MAK: variants seen among roughly 807,000 people sequenced by gnomAD.
MAK encodes the protein serine/threonine-protein kinase MAK.
In MAK, 65 loss-of-function variants were observed where a neutral mutation model predicts 82.6. That is an observed-to-expected ratio of 0.79 (90% CI 0.64 to 0.97). MAK has a LOEUF of 0.97. Ranked by LOEUF, MAK falls within the 50% of genes least tolerant of loss-of-function variation. MAK has a pLI of 0.00. For missense variants in MAK, 703 were observed against 780.2 expected (o/e 0.90, Z 1.18); for synonymous variants, 250 against 274.2 (o/e 0.91, Z 0.87).
intron 1 of MAK, among the ~76,000 whole-genome samples, chr6:10,835,055 C>T (rs1035865729): frequency 2.6e-5 from 4 of 152,222 alleles, no homozygotes; most frequent in Non-Finnish European, 5.9e-5. Flanking sequence ...GGTCGCACCG[C>T]TCCCCCGCCC....
intron 1 of MAK, among the ~76,000 whole-genome samples, chr6:10,833,818 A>G (rs774793691): frequency 1.5e-4 from 23 of 152,130 alleles, no homozygotes; most frequent in Non-Finnish European, 2.2e-4. Flanking sequence ...GCCCGAGCTA[A>G]TAATCATAAG....
At chr6:10,835,920 G>A (rs138379664) in intron 1 of MAK, among the ~76,000 whole-genome samples, 1 of 152,276 alleles carries the variant, frequency 6.6e-6, no homozygotes, top group East Asian at 1.9e-4. Context: ...GGGGTGGGAG[G>A]GTGACCTGAA....
At chr6:10,779,127 CAAAA>C (rs918122203) in intron 11 of MAK, among the ~76,000 whole-genome samples, 7 of 20,014 alleles carry the variant, frequency 3.5e-4, no homozygotes, top group East Asian at 3.3e-3. Flanking sequence ...CACTTCGTCT[CAAAA>C]AAAAAAAAAA....
chr6:10,766,431 C>T (rs979092944), intron 14 of MAK, among the ~76,000 whole-genome samples: 2 of 152,214 alleles, frequency 1.3e-5, no homozygotes, highest in Non-Finnish European at 2.9e-5. Context: ...GAGCTCCCCA[C>T]TCCATGGTTT....
At chr6:10,816,836 G>C (rs1035015843) in intron 4 of MAK, among the ~76,000 whole-genome samples, 2 of 151,924 alleles carry the variant, frequency 1.3e-5, no homozygotes, top group Non-Finnish European at 2.9e-5. Context: ...TAACTATAAA[G>C]ACTAAGTATC....
At position 10,813,123 on chromosome 6, in the gene MAK, TA is replaced by T. The variant is rs1777145378; in HGVS notation, c.358+520del. ...ATATATATATATATATATATATATA[TA>T]TATATATATAAATTTTTTTTTTTTT... On this transcript the variant is annotated intron_variant, in intron 5 of 14. Coordinates refer to ENST00000354489, the MANE Select transcript of MAK (RefSeq NM_001242957.3). Among the ~76,000 whole-genome samples the T allele has an allele frequency of 7.8e-3, 11 of 1,414 alleles. 1 individual carries two copies. Among genetic ancestry groups the T allele is most frequent in the Non-Finnish European group, 0.011 (8 of 736 alleles). 0.9% of individuals were successfully genotyped at this position (1,414 alleles called of 152,430 possible).
chr6:10,830,519 G>A (rs1392976668), intron 2 of MAK, 29 bp downstream of exon 2: 2 of 1,539,188 alleles, frequency 1.3e-6, no homozygotes, highest in Admixed American at 1.7e-5. Context: ...AGTTTTCAAA[G>A]GTGAAGTTGG....
chr6:10,815,075 C>G (rs1777363291), intron 4 of MAK, among the ~76,000 whole-genome samples: 1 of 151,656 alleles, frequency 6.6e-6, no homozygotes, highest in Non-Finnish European at 1.5e-5. Flanking sequence ...TATATGAGAG[C>G]CACTTGTGTA....
intron 8 of MAK, among the ~76,000 whole-genome samples, chr6:10,797,010 T>TA (rs1262127659): frequency 2.6e-5 from 4 of 152,038 alleles, no homozygotes; most frequent in African/African-American, 7.2e-5. Context: ...TCAAAGACAT[T>TA]AAAAAGTGAA....
At chr6:10,795,320 T>C (rs990477631) in intron 9 of MAK, among the ~76,000 whole-genome samples, 1 of 151,780 alleles carries the variant, frequency 6.6e-6, no homozygotes, top group Non-Finnish European at 1.5e-5. Flanking sequence ...TGGGTGCCTA[T>C]AATCCCAGCC....
intron 9 of MAK, among the ~76,000 whole-genome samples, chr6:10,792,202 G>A (rs917791809): frequency 1.3e-5 from 2 of 152,130 alleles, no homozygotes; most frequent in African/African-American, 2.4e-5. Flanking sequence ...CCTTAAGTGG[G>A]GACAGCCTTA....
At position 10,813,641 on chromosome 6, in the gene MAK, T is replaced by C; in HGVS notation, c.358+3A>G. The C allele has an allele frequency of 6.5e-7, 1 of 1,546,166 alleles. No individual in the cohort carries two copies. Among genetic ancestry groups the C allele is most frequent in the Non-Finnish European group, 8.9e-7 (1 of 1,118,328 alleles). Reference sequence around the variant, plus strand: ...AGGGAAATTAAACTTAAAAGAAACCTACCATGTTTATGGATAAAAGCCAGC... The same window carrying C: ...AGGGAAATTAAACTTAAAAGAAACCCACCATGTTTATGGATAAAAGCCAGC... On this transcript the variant is annotated splice_donor_region_variant and intron_variant, in intron 5 of 14. Transcript: ENST00000354489.
At chr6:10,834,918 G>C (rs560869) in intron 1 of MAK, among the ~76,000 whole-genome samples, 3,941 of 152,232 alleles carry the variant, frequency 0.026, 81 homozygotes, top group Admixed American at 0.077. Context: ...CTAGGGGACC[G>C]GGCAGCACAC....
At position 10,835,420 on chromosome 6, in the gene MAK, C is replaced by T. The variant is rs572330857; in HGVS notation, c.-230+3083G>A. On this transcript the variant is annotated intron_variant, in intron 1 of 14. Coordinates refer to ENST00000354489, the MANE Select transcript of MAK (RefSeq NM_001242957.3). ...GATTACAGGCGCGTGCCACCATGCC[C>T]GGCTAATTTCTGTATTTTTAGTAGA... 3.3e-5 allele frequency among the ~76,000 whole-genome samples: 5 copies of T among 152,286 alleles called. 1 individual carries two copies. Among genetic ancestry groups the T allele is most frequent in the African/African-American group, 1.2e-4 (5 of 41,560 alleles).
intron 14 of MAK, among the ~76,000 whole-genome samples, chr6:10,769,374 G>A (rs1178709776): frequency 6.6e-6 from 1 of 152,160 alleles, no homozygotes; most frequent in Non-Finnish European, 1.5e-5. Flanking sequence ...ATTGGCTTAA[G>A]TACAGAATCA....
intron 14 of MAK, 100 bp from the exon 15 acceptor site, chr6:10,764,706 T>G: frequency 8.4e-7 from 1 of 1,187,500 alleles, no homozygotes; most frequent in East Asian, 2.3e-5. Context: ...AAATCTGAAT[T>G]TATGTTTAAA....
chr6:10,777,089 C>G (rs1471258867), intron 11 of MAK, among the ~76,000 whole-genome samples: 1 of 150,666 alleles, frequency 6.6e-6, no homozygotes, highest in African/African-American at 2.4e-5. Context: ...CATAAAGATG[C>G]ACTTGGTGGC....
intron 8 of MAK, 24 bp from the exon 9 acceptor site, chr6:10,796,333 C>A: frequency 6.3e-7 from 1 of 1,590,552 alleles, no homozygotes; most frequent in South Asian, 1.1e-5. Context: ...GAGAAAACAA[C>A]AAATGGAAAA....
rs1277227085 is a variant in MAK, at chr6:10,793,255, AG to A, written c.1144-1409del. Among the ~76,000 whole-genome samples the A allele has an allele frequency of 6.6e-6, 1 of 152,216 alleles. No homozygotes were observed. The highest frequency in any genetic ancestry group is 2.4e-5 in the African/African-American group (1 of 41,450). ...GTGTAGTGTATGTGGACTTCAGCCC[AG>A]TGGGTGAAGGCAGCAAAGGGGATCA... On this transcript the variant is annotated intron_variant, in intron 9 of 14. Transcript: ENST00000354489. The surrounding 1 kb of genome is among the most constrained non-coding windows in gnomAD (Gnocchi z 4.6).
Sources: gnomAD v4.1 joint callset for allele counts (sites outside exome capture counted in the v4.1 genomes callset) on GRCh38, gnomAD v4.1.1 for gene constraint, Gnocchi (gnomAD v3.1) non-coding constraint, MANE v1.5 for transcripts, NCBI Gene and HGNC (gene_info 2026-07-23, HGNC 2026-07-21) for gene names.